Variants in EIPR1 observed in about 807,000 individuals in gnomAD.
The protein encoded by EIPR1 is EARP and GARP complex-interacting protein 1.
In EIPR1, 25 loss-of-function variants were observed where a neutral mutation model predicts 48.1. The observed-to-expected ratio is 0.52, with a 90% CI of 0.38 to 0.73. The LOEUF (loss-of-function observed/expected upper bound fraction) is 0.73. EIPR1 is among the 30% of genes least tolerant of loss of function. The pLI is 0.00. For missense variants in EIPR1, 415 were observed against 506.2 expected (o/e 0.82, Z 1.73); for synonymous variants, 204 against 201.9 (o/e 1.01, Z -0.09).
At chr2:3,318,826 T>C (rs1278853001) in intron 3 of EIPR1, 10 of 470,154 alleles carry the variant, frequency 2.1e-5, no homozygotes, top group Non-Finnish European at 4.0e-5. Flanking sequence ...TCAGGAGGGG[T>C]GCTTGTTTAC....
chr2:3,268,425 G>A (rs1171458837), intron 3 of EIPR1, among the ~76,000 whole-genome samples: 2 of 152,216 alleles, frequency 1.3e-5, no homozygotes, highest in Non-Finnish European at 2.9e-5. Context: ...GGCCAAAGCA[G>A]CCACCTCTGC....
intron 5 of EIPR1, among the ~76,000 whole-genome samples, chr2:3,199,909 ATCT>A (rs1664964992): frequency 8.4e-5 from 4 of 47,822 alleles, no homozygotes; most frequent in South Asian, 7.0e-4. Flanking sequence ...GTGTGTCTGC[ATCT>A]GGGCACACAT....
intron 3 of EIPR1, among the ~76,000 whole-genome samples, chr2:3,321,454 T>C (rs1669527324): frequency 6.6e-6 from 1 of 152,154 alleles, no homozygotes; most frequent in South Asian, 2.1e-4. Context: ...ATTCCAACTT[T>C]TCTCCCCACC....
chr2:3,235,113 C>T (rs117832091), intron 4 of EIPR1, among the ~76,000 whole-genome samples: 1 of 152,342 alleles, frequency 6.6e-6, no homozygotes, highest in East Asian at 1.9e-4. Flanking sequence ...ACTTGCACAT[C>T]AAAAACTCTG....
intron 4 of EIPR1, among the ~76,000 whole-genome samples, chr2:3,236,805 A>G (rs1224741494): frequency 1.3e-5 from 2 of 152,186 alleles, no homozygotes; most frequent in Admixed American, 1.3e-4. Context: ...AAAAAGCTAT[A>G]AATGGCAGAG....
At chr2:3,369,410 C>T (rs10205447) in intron 1 of EIPR1, among the ~76,000 whole-genome samples, 75,836 of 152,006 alleles carry the variant, frequency 0.5, 20,467 homozygotes, top group Admixed American at 0.62. Context: ...GCGAACCGTG[C>T]GCAAGCCGAA....
intron 5 of EIPR1, among the ~76,000 whole-genome samples, chr2:3,210,326 C>A (rs1354791190): frequency 6.6e-6 from 1 of 152,188 alleles, no homozygotes; most frequent in Non-Finnish European, 1.5e-5. Flanking sequence ...ACTCCTCATT[C>A]AGGGTGAACG....
At chr2:3,234,190 TTTGGCATGTC>T (rs751745271) in intron 4 of EIPR1, among the ~76,000 whole-genome samples, 23 of 152,326 alleles carry the variant, frequency 1.5e-4, no homozygotes, top group Non-Finnish European at 2.9e-4. Context: ...GGCACATGTG[TTTGGCATGTC>T]TTGTATTTTG....
intron 2 of EIPR1, among the ~76,000 whole-genome samples, chr2:3,341,115 A>C (rs1332080690): frequency 9.5e-5 from 14 of 148,098 alleles, no homozygotes; most frequent in Admixed American, 1.3e-4. Flanking sequence ...AAAAAAAAAA[A>C]AAAAACAAAA....
intron 3 of EIPR1, among the ~76,000 whole-genome samples, chr2:3,307,272 T>C (rs755897782): frequency 6.6e-6 from 1 of 152,038 alleles, no homozygotes; most frequent in Non-Finnish European, 1.5e-5. Context: ...CAAATTCCAA[T>C]ATGTGTCAAA....
rs891920267 is a variant in EIPR1 at position 3,189,002 on chromosome 2, C to T, written c.*332G>A. The T allele has an allele frequency of 4.4e-5, 9 of 204,592 alleles. No homozygotes were observed. The highest frequency in any genetic ancestry group is 7.8e-5 in the Non-Finnish European group (8 of 103,012). The allele number at this position is 204,592 out of a possible 1,614,324, so 12.7% of individuals were successfully genotyped here. ...TGGATTTATTTTATTTCATTTTTTA[C>T]TCTCAAGAGAAAGAAGAGTTACTAT... On this transcript the variant is annotated 3_prime_UTR_variant, in exon 9 of 9. Coordinates refer to ENST00000382125, the MANE Select transcript of EIPR1 (RefSeq NM_003310.5). This position sits in a 1 kb window ranked among gnomAD's most constrained non-coding sequence, Gnocchi z 4.6.
At chr2:3,218,851 C>A (rs941458178) in intron 4 of EIPR1, among the ~76,000 whole-genome samples, 1 of 149,274 alleles carries the variant, frequency 6.7e-6, no homozygotes, top group African/African-American at 2.5e-5. Context: ...CAGGTGCACA[C>A]CCAACATGGC....
At chr2:3,313,258 T>C (rs1034346565) in intron 3 of EIPR1, among the ~76,000 whole-genome samples, 3 of 152,098 alleles carry the variant, frequency 2.0e-5, no homozygotes, top group Non-Finnish European at 2.9e-5. Context: ...GAGGACCCAA[T>C]TGGATATCAC....
At chr2:3,269,668 T>G (rs1243767273) in intron 3 of EIPR1, among the ~76,000 whole-genome samples, 20 of 149,326 alleles carry the variant, frequency 1.3e-4, no homozygotes, top group Admixed American at 6.0e-4. Flanking sequence ...ATCATCACAC[T>G]CAATCATCGC....
intron 3 of EIPR1, among the ~76,000 whole-genome samples, chr2:3,310,640 C>A (rs112217447): frequency 1.6e-5 from 2 of 127,018 alleles, no homozygotes; most frequent in Admixed American, 8.8e-5. Flanking sequence ...GCGACAGAGC[C>A]AGACTCCGTC....
intron 3 of EIPR1, among the ~76,000 whole-genome samples, chr2:3,294,912 T>TTC (rs1668495558): frequency 2.6e-5 from 1 of 38,864 alleles, no homozygotes; most frequent in Non-Finnish European, 4.8e-5. Context: ...ATTCTCTCCC[T>TTC]GCACACACAC....
chr2:3,260,263 C>T (rs1190028945), intron 3 of EIPR1, among the ~76,000 whole-genome samples: 1 of 152,158 alleles, frequency 6.6e-6, no homozygotes, highest in Non-Finnish European at 1.5e-5. Context: ...GAGGCCAAGG[C>T]AGGCGGATCA....
intron 3 of EIPR1, among the ~76,000 whole-genome samples, chr2:3,280,432 A>G (rs1355112742): frequency 1.1e-4 from 16 of 152,138 alleles, no homozygotes; most frequent in Non-Finnish European, 5.9e-5. Context: ...GGCATGAGGA[A>G]CAGGATGGGC....
At position 3,208,722 on chromosome 2, in the gene EIPR1, CGTGAGGCTCGTGGCGGGTCCTTCTGTGA is replaced by C. The variant is rs749717454; in HGVS notation, c.516+5399_516+5426del. ...ACACTCGGCGGGTCCTTCTTCCATG[CGTGAGGCTCGTGGCGGGTCCTTCTGTGA>C]GTGAGGCCCGTGGCGAGTCCTTCTT... is the stretch of plus-strand genomic sequence containing the variant. On this transcript the variant is annotated intron_variant, in intron 5 of 8. Transcript: ENST00000382125. 204 of 1,549,152 alleles carry C rather than the reference CGTGAGGCTCGTGGCGGGTCCTTCTGTGA, an allele frequency of 1.3e-4. 1 individual carries two copies. In the Middle Eastern group the frequency reaches 3.0e-3, roughly 23 times the overall value.
Sources: allele counts gnomAD v4.1 joint callset (sites outside exome capture counted in the v4.1 genomes callset), GRCh38; gene constraint gnomAD v4.1.1; non-coding constraint Gnocchi (gnomAD v3.1); transcripts MANE v1.5; gene names NCBI Gene and HGNC (gene_info 2026-07-23, HGNC 2026-07-21).